Variants in UBE2G1 observed in about 807,000 individuals in gnomAD.
UBE2G1 encodes the protein ubiquitin-conjugating enzyme E2 G1.
UBE2G1 carries 5 observed loss-of-function variants against 22.7 expected under a neutral mutation model. The ratio of observed to expected loss-of-function variants is 0.22; its 90% confidence interval spans 0.12 to 0.46. The LOEUF (loss-of-function observed/expected upper bound fraction) is 0.46, where lower values mean the gene tolerates loss of function less well. Among genes scored for constraint, UBE2G1 ranks in the 20% least tolerant of loss-of-function variants. UBE2G1 has a pLI of 0.99. For missense variants in UBE2G1, 88 were observed against 203.9 expected (o/e 0.43, Z 3.46); for synonymous variants, 74 against 67.5 (o/e 1.10, Z -0.47).
chr17:4,279,221 G>A (rs369966458), intron 5 of UBE2G1, among the ~76,000 whole-genome samples: 5 of 150,696 alleles, frequency 3.3e-5, no homozygotes, highest in Non-Finnish European at 5.9e-5. Flanking sequence ...GTTGCAGTGA[G>A]CTGAGATCAC....
chr17:4,320,862 C>A (rs1282254867), intron 1 of UBE2G1, among the ~76,000 whole-genome samples: 1 of 152,072 alleles, frequency 6.6e-6, no homozygotes, highest in Non-Finnish European at 1.5e-5. Flanking sequence ...CACCATACCT[C>A]TTTTCGTTTT....
At chr17:4,338,917 G>A (rs1200259123) in intron 1 of UBE2G1, among the ~76,000 whole-genome samples, 1 of 152,148 alleles carries the variant, frequency 6.6e-6, no homozygotes, top group Non-Finnish European at 1.5e-5. Context: ...CAATGACGGT[G>A]CTAGTGCCTA....
At position 4,362,860 on chromosome 17, in the gene UBE2G1, C is replaced by T. The variant is rs117710447; in HGVS notation, c.46+3411G>A. Among the ~76,000 whole-genome samples the T allele has an allele frequency of 2.1e-3, 325 of 152,222 alleles. 4 individuals carry two copies. The East Asian group carries it at 0.035, about 17-fold the overall frequency. Reference sequence around the variant, plus strand: ...CTGGGTGAAAGGTGGTGGTGGCTCACACTTGTAATTCCAGCACTTTGGGAG... The same window carrying T: ...CTGGGTGAAAGGTGGTGGTGGCTCATACTTGTAATTCCAGCACTTTGGGAG... On this transcript the variant is annotated intron_variant, in intron 1 of 5. Coordinates refer to ENST00000396981, the MANE Select transcript of UBE2G1 (RefSeq NM_003342.5).
At chr17:4,310,023 TC>T (rs1567520433) in intron 1 of UBE2G1, among the ~76,000 whole-genome samples, 1 of 152,200 alleles carries the variant, frequency 6.6e-6, no homozygotes, top group Non-Finnish European at 1.5e-5. Context: ...TTGAAAAATG[TC>T]CAATGTCTCA....
intron 3 of UBE2G1, among the ~76,000 whole-genome samples, chr17:4,291,086 C>A (rs1364330525): frequency 4.6e-5 from 7 of 152,228 alleles, no homozygotes; most frequent in African/African-American, 1.2e-4. Flanking sequence ...GAGGGCCGGG[C>A]GTGGTGGCTC....
chr17:4,287,693 G>A (rs575847646), intron 4 of UBE2G1, among the ~76,000 whole-genome samples: 1 of 151,918 alleles, frequency 6.6e-6, no homozygotes, highest in African/African-American at 2.4e-5. Flanking sequence ...TAAGAAAAAA[G>A]GTAAATTTTA....
intron 2 of UBE2G1, among the ~76,000 whole-genome samples, chr17:4,297,237 G>C (rs896365070): frequency 6.6e-6 from 1 of 151,994 alleles, no homozygotes; most frequent in Non-Finnish European, 1.5e-5. Flanking sequence ...CAAAACTTAT[G>C]GACATTTTCT....
At chr17:4,293,996 T>C (rs971326891) in intron 3 of UBE2G1, among the ~76,000 whole-genome samples, 1 of 152,236 alleles carries the variant, frequency 6.6e-6, no homozygotes, top group Admixed American at 6.5e-5. Flanking sequence ...ACCTATTACA[T>C]AGCTTTTTTA....
At chr17:4,285,280 T>C (rs2143689527) in intron 4 of UBE2G1, among the ~76,000 whole-genome samples, 1 of 151,576 alleles carries the variant, frequency 6.6e-6, no homozygotes, top group African/African-American at 2.4e-5. Flanking sequence ...AGAACCTAAG[T>C]ACAATGGGGA....
intron 5 of UBE2G1, among the ~76,000 whole-genome samples, chr17:4,278,631 T>G (rs1288467846): frequency 6.6e-6 from 1 of 152,208 alleles, no homozygotes; most frequent in Admixed American, 6.5e-5. Context: ...TTTGGTGTGA[T>G]GTATATTTAA....
intron 1 of UBE2G1, among the ~76,000 whole-genome samples, chr17:4,325,990 G>T (rs536724291): frequency 1.3e-5 from 2 of 151,910 alleles, no homozygotes; most frequent in Non-Finnish European, 2.9e-5. Flanking sequence ...AAACTTAAAC[G>T]TAAGAGCTAA....
chr17:4,366,346 G>A lies in UBE2G1; in HGVS notation c.-30C>T. On this transcript the variant is annotated 5_prime_UTR_variant, in exon 1 of 6. Coordinates refer to ENST00000396981, the MANE Select transcript of UBE2G1 (RefSeq NM_003342.5). ...CCTGCCGAGGGCCCGGGCTGGCGCC[G>A]GGGCTTCCGAAGGGCTGGGGACAGG... 3 of 1,523,654 alleles carry A rather than the reference G, an allele frequency of 2.0e-6. No individual in the cohort carries two copies. Among genetic ancestry groups the A allele is most frequent in the Admixed American group, 2.0e-5 (1 of 49,008 alleles). The allele number at this position is 1,523,654 out of a possible 1,614,324, so 94.4% of individuals were successfully genotyped here.
intron 5 of UBE2G1, among the ~76,000 whole-genome samples, chr17:4,279,275 CAA>C (rs10593474): frequency 0.33 from 44,056 of 131,596 alleles, 6,670 homozygotes; most frequent in Admixed American, 0.39. Flanking sequence ...AACTCCATCT[CAA>C]AAAAAAAAAA....
At position 4,286,834 on chromosome 17, in the gene UBE2G1, G is replaced by A. The variant is rs555857242; in HGVS notation, c.426+2396C>T. Among the ~76,000 whole-genome samples, 7 of 152,214 alleles carry A rather than the reference G, an allele frequency of 4.6e-5. No homozygotes were observed. In the South Asian group the frequency reaches 1.2e-3, roughly 27 times the overall value. ...AGGCGGGCAGATCATTTGAGGTCAG[G>A]AGTTTGAGACCAGCCTGGCCAACAT... On this transcript the variant is annotated intron_variant, in intron 4 of 5. Transcript: ENST00000396981.
intron 3 of UBE2G1, 77 bp downstream of exon 3, chr17:4,296,640 C>T (rs1301679670): frequency 9.5e-7 from 1 of 1,055,030 alleles, no homozygotes; most frequent in Non-Finnish European, 1.4e-6. Context: ...AGAAACAGAT[C>T]TTTCTTATTG....
At chr17:4,330,044 T>C (rs960518971) in intron 1 of UBE2G1, among the ~76,000 whole-genome samples, 5 of 152,022 alleles carry the variant, frequency 3.3e-5, no homozygotes, top group African/African-American at 1.2e-4. Context: ...CATGAGTTAT[T>C]GCATCTACAA....
intron 1 of UBE2G1, among the ~76,000 whole-genome samples, chr17:4,319,073 T>G (rs1969407603): frequency 6.6e-6 from 1 of 152,156 alleles, no homozygotes; most frequent in African/African-American, 2.4e-5. Flanking sequence ...AAATAGTTAT[T>G]TTTAAAGAGT....
chr17:4,273,911 A>G (rs1968789994), intron 5 of UBE2G1, among the ~76,000 whole-genome samples: 1 of 152,194 alleles, frequency 6.6e-6, no homozygotes, highest in Admixed American at 6.5e-5. Flanking sequence ...AAATATACCT[A>G]AAGAGTTATG....
chr17:4,333,447 A>C (rs998889414), intron 1 of UBE2G1, among the ~76,000 whole-genome samples: 25 of 152,184 alleles, frequency 1.6e-4, no homozygotes, highest in African/African-American at 5.1e-4. Flanking sequence ...AGGTCGAGGC[A>C]GGCAGATCAC....
Sources: allele counts gnomAD v4.1 joint callset (sites outside exome capture counted in the v4.1 genomes callset), GRCh38; gene constraint gnomAD v4.1.1; transcripts MANE v1.5; gene names NCBI Gene and HGNC (gene_info 2026-07-23, HGNC 2026-07-21).